Variants in TBC1D5 observed in about 807,000 individuals in gnomAD.
TBC1D5 encodes TBC1 domain family, member 5.
A neutral mutation model predicts 100.3 loss-of-function variants in TBC1D5; 75 were observed. The observed-to-expected ratio is 0.75, with a 90% CI of 0.62 to 0.91. The LOEUF (loss-of-function observed/expected upper bound fraction) is 0.91, where lower values mean the gene tolerates loss of function less well. Ranked by LOEUF, TBC1D5 falls within the 40% of genes least tolerant of loss-of-function variation. The pLI, the probability that TBC1D5 is intolerant of heterozygous loss-of-function variation, is 0.00. For synonymous variants in TBC1D5, 323 were observed against 325.6 expected (o/e 0.99, Z 0.09); for missense variants, 910 against 942.4 (o/e 0.97, Z 0.45).
At chr3:17,454,552 C>A (rs547320223) in intron 3 of TBC1D5, among the ~76,000 whole-genome samples, 1 of 152,074 alleles carries the variant, frequency 6.6e-6, no homozygotes, top group African/African-American at 2.4e-5. Flanking sequence ...CTCCGCCTCC[C>A]GGGTTCACGC....
At chr3:17,559,478 C>T (rs963370399) in intron 2 of TBC1D5, among the ~76,000 whole-genome samples, 6 of 151,928 alleles carry the variant, frequency 3.9e-5, no homozygotes, top group African/African-American at 1.5e-4. Flanking sequence ...ATAAGATAAT[C>T]TTTACAAATG....
intron 1 of TBC1D5, among the ~76,000 whole-genome samples, chr3:17,737,850 T>C (rs577269019): frequency 6.7e-6 from 1 of 149,406 alleles, no homozygotes; most frequent in South Asian, 2.1e-4. Flanking sequence ...CCAGTTAACA[T>C]CTTTTCTAGG....
At chr3:17,617,034 T>C (rs181664524) in intron 2 of TBC1D5, among the ~76,000 whole-genome samples, 1 of 152,344 alleles carries the variant, frequency 6.6e-6, no homozygotes, top group East Asian at 1.9e-4. Flanking sequence ...TATCGTTGTT[T>C]CTTTCCATGT....
chr3:17,204,589 A>C (rs1037638547), intron 18 of TBC1D5, among the ~76,000 whole-genome samples: 5 of 152,176 alleles, frequency 3.3e-5, no homozygotes, highest in African/African-American at 1.2e-4. Context: ...TAGAGGATGA[A>C]GATAAAGATA....
chr3:17,317,810 T>C (rs2084883073), intron 13 of TBC1D5, among the ~76,000 whole-genome samples: 1 of 152,118 alleles, frequency 6.6e-6, no homozygotes, highest in Non-Finnish European at 1.5e-5. Flanking sequence ...ATTGTGGAAG[T>C]CGGTGTGGCG....
At chr3:17,609,075 T>G (rs1287487933) in intron 2 of TBC1D5, among the ~76,000 whole-genome samples, 2 of 152,236 alleles carry the variant, frequency 1.3e-5, no homozygotes, top group African/African-American at 4.8e-5. Flanking sequence ...GATTCCCATG[T>G]TTATGCACAC....
At chr3:17,376,549 T>C (rs1237059080) in exon 10 of TBC1D5, 2 of 1,612,560 alleles carry the variant, frequency 1.2e-6, no homozygotes, top group Non-Finnish European at 1.7e-6. Context: ...CTCACTGGCA[T>C]GTAGAAAAGC....
chr3:17,574,983 A>T (rs2096648857), intron 2 of TBC1D5, among the ~76,000 whole-genome samples: 1 of 152,040 alleles, frequency 6.6e-6, no homozygotes, highest in Non-Finnish European at 1.5e-5. Context: ...TTAAACACAA[A>T]ACACCCTAGG....
chr3:17,640,937 C>G (rs960323202), intron 1 of TBC1D5, among the ~76,000 whole-genome samples: 3 of 149,328 alleles, frequency 2.0e-5, no homozygotes, highest in African/African-American at 4.9e-5. Context: ...CCAGGAAATA[C>G]AAAAATTCTA....
rs1331571519 is a variant in TBC1D5 at position 17,718,166 on chromosome 3, C to T, written c.-101+21177G>A. Among the ~76,000 whole-genome samples, 3 of 152,202 alleles carry T rather than the reference C, an allele frequency of 2.0e-5. No homozygotes were observed. The East Asian group carries it at 5.8e-4, about 29-fold the overall frequency. ...AGCCAGCACCCTATTTATCCTAATC[C>T]CTCCTTTTCTTTCTCTTCCCACCCA... On this transcript the variant is annotated intron_variant, in intron 1 of 21. Coordinates refer to ENST00000253692, the Ensembl canonical transcript of TBC1D5.
intron 19 of TBC1D5, among the ~76,000 whole-genome samples, chr3:17,168,792 T>TA (rs969704412): frequency 2.6e-5 from 4 of 152,088 alleles, no homozygotes; most frequent in Admixed American, 1.3e-4. Flanking sequence ...CTTGGTGGCG[T>TA]AAAAAAATGC....
chr3:17,735,327 C>T (rs889046514), intron 1 of TBC1D5, among the ~76,000 whole-genome samples: 10 of 152,030 alleles, frequency 6.6e-5, no homozygotes, highest in African/African-American at 2.4e-4. Context: ...CTAAAAGTTA[C>T]GTAGAAAACT....
intron 1 of TBC1D5, among the ~76,000 whole-genome samples, chr3:17,662,486 T>G (rs1246463054): frequency 6.6e-6 from 1 of 152,212 alleles, no homozygotes; most frequent in East Asian, 1.9e-4. Flanking sequence ...TTTACAGCAA[T>G]TTGACAGAGT....
At chr3:17,636,144 G>A (rs1226152940) in intron 1 of TBC1D5, among the ~76,000 whole-genome samples, 4 of 152,132 alleles carry the variant, frequency 2.6e-5, no homozygotes, top group South Asian at 2.1e-4. Flanking sequence ...AGTGAATTTC[G>A]CTGCTGTACT....
At chr3:17,648,173 G>T (rs936066368) in intron 1 of TBC1D5, among the ~76,000 whole-genome samples, 4 of 151,980 alleles carry the variant, frequency 2.6e-5, no homozygotes, top group Admixed American at 6.6e-5. Flanking sequence ...AAGAAATAGG[G>T]CCGCACATCT....
intron 1 of TBC1D5, among the ~76,000 whole-genome samples, chr3:17,641,078 C>T (rs117867265): frequency 0.017 from 2,519 of 151,992 alleles, 52 homozygotes; most frequent in South Asian, 0.048. Context: ...AATTATCGTA[C>T]GTAATATACT....
intron 14 of TBC1D5, among the ~76,000 whole-genome samples, chr3:17,306,057 C>A (rs1389494681): frequency 2.0e-5 from 3 of 152,318 alleles, no homozygotes; most frequent in African/African-American, 7.2e-5. Flanking sequence ...TCTAATAATA[C>A]CAAACAGCTT....
chr3:17,410,267 A>G (rs572082636), intron 4 of TBC1D5, among the ~76,000 whole-genome samples: 1 of 152,256 alleles, frequency 6.6e-6, no homozygotes, highest in African/African-American at 2.4e-5. Context: ...GAATATTTTA[A>G]GCCCATTTTT....
chr3:17,537,910 A>C (rs939034580), intron 2 of TBC1D5, among the ~76,000 whole-genome samples: 1 of 152,226 alleles, frequency 6.6e-6, no homozygotes, highest in African/African-American at 2.4e-5. Flanking sequence ...TGCCTGTGAC[A>C]GCCTCAGGAG....
Sources: gnomAD v4.1 joint callset for allele counts (sites outside exome capture counted in the v4.1 genomes callset) on GRCh38, gnomAD v4.1.1 for gene constraint, MANE v1.5 for transcripts, NCBI Gene and HGNC (gene_info 2026-07-23, HGNC 2026-07-21) for gene names.